MGA: variants seen among roughly 807,000 people sequenced by gnomAD.
The protein encoded by MGA is MAX dimerization protein MGA.
MGA carries 40 observed loss-of-function variants against 261.1 expected under a neutral mutation model. The observed-to-expected ratio is 0.15, with a 90% confidence interval of 0.12 to 0.20. The LOEUF is 0.20. Among genes scored for constraint, MGA ranks in the 10% least tolerant of loss-of-function variants. The pLI, the probability that MGA is intolerant of heterozygous loss-of-function variation, is 1.00. For missense variants in MGA, 3,397 were observed against 3,630.5 expected (o/e 0.94, Z 1.65); for synonymous variants, 1,302 against 1,290.6 (o/e 1.01, Z -0.19).
chr15:41,711,313 A>T lies in MGA; in HGVS notation c.3048A>T (p.Arg1016=). The T allele has an allele frequency of 4.3e-6, 7 of 1,613,042 alleles. No individual in the cohort carries two copies. The highest frequency in any genetic ancestry group is 5.9e-6 in the Non-Finnish European group (7 of 1,179,486). The stretch of plus-strand genomic sequence containing the variant: ...CAAGGACATACATCACAGAAGAGCG[A>T]GCAGATGTATCCTTAACAACTCTAC... The change falls in exon 8 of 24, where the codon CGA becomes CGT. Residue 1016 remains arginine, a synonymous_variant. Transcript: ENST00000219905.
At chr15:41,732,409 A>G (rs1567047160) in intron 11 of MGA, among the ~76,000 whole-genome samples, 1 of 152,096 alleles carries the variant, frequency 6.6e-6, no homozygotes, top group Non-Finnish European at 1.5e-5. Flanking sequence ...CAGCCTCCCA[A>G]AGTGCTGGGA....
rs1191600301 is a variant in MGA, at chr15:41,768,715, G to A, written c.*1435G>A. On this transcript the variant is annotated 3_prime_UTR_variant, in exon 24 of 24. Coordinates refer to ENST00000219905, the MANE Select transcript of MGA (RefSeq NM_001164273.2). The stretch of plus-strand genomic sequence containing the variant: ...TCCAGTGCCTGGGCCGTGCCTAGGT[G>A]ATGCTATTTCTTCTATATCTCCTGT... 6.6e-6 allele frequency: 1 copy of A among 152,592 alleles called. No individual in the cohort carries two copies. The highest frequency in any genetic ancestry group is 2.4e-5 in the African/African-American group (1 of 41,434). 9.5% of individuals were successfully genotyped at this position (152,592 alleles called of 1,614,324 possible).
At position 41,749,829 on chromosome 15, in the gene MGA, T is replaced by G. The variant is rs2062735342; in HGVS notation, c.6222T>G (p.Arg2074=). 1 of 1,613,878 alleles carries G rather than the reference T, an allele frequency of 6.2e-7. No individual in the cohort carries two copies. Among genetic ancestry groups the G allele is most frequent in the African/African-American group, 1.3e-5 (1 of 75,010 alleles). ...ATGAAGAATATGGGGCTAGGAATCG[T>G]AAGAGTTCCAAAGAAAAAGTGGCTG... The change falls in exon 17 of 24, where the codon CGT becomes CGG. Residue 2074 remains arginine, a synonymous_variant. Coordinates refer to ENST00000219905, the MANE Select transcript of MGA (RefSeq NM_001164273.2).
At chr15:41,703,370 C>CCG (rs1555419065) in intron 5 of MGA, among the ~76,000 whole-genome samples, 3 of 129,522 alleles carry the variant, frequency 2.3e-5, no homozygotes, top group Admixed American at 7.6e-5. Context: ...GTGAAGTTAC[C>CCG]CCCCCCCCCA....
chr15:41,735,500 G>C (rs1159344570), intron 12 of MGA, among the ~76,000 whole-genome samples: 1 of 152,208 alleles, frequency 6.6e-6, no homozygotes, highest in Non-Finnish European at 1.5e-5. Flanking sequence ...CACTTTGGGA[G>C]GCCGAGGCGG....
At chr15:41,672,414 C>G (rs1274773642) in intron 2 of MGA, among the ~76,000 whole-genome samples, 4 of 152,204 alleles carry the variant, frequency 2.6e-5, no homozygotes, top group Non-Finnish European at 5.9e-5. Flanking sequence ...CTTGGCCTTT[C>G]ACAGTTCTGG....
intron 12 of MGA, among the ~76,000 whole-genome samples, chr15:41,735,874 T>TA (rs1252906293): frequency 6.6e-6 from 1 of 152,242 alleles, no homozygotes; most frequent in Non-Finnish European, 1.5e-5. Context: ...CAGTGAAGCT[T>TA]AACCTTGGTT....
At chr15:41,741,346 C>CCA (rs2062086091) in intron 14 of MGA, among the ~76,000 whole-genome samples, 2 of 72,330 alleles carry the variant, frequency 2.8e-5, no homozygotes, top group Non-Finnish European at 2.5e-5. Flanking sequence ...ACTCCATCTC[C>CCA]AAAAAAAAAA....
Position 41,710,768 on chromosome 15 carries a change from G to A in MGA, c.2503G>A (p.Gly835Ser), listed in dbSNP as rs775319019. 10 of 1,613,756 alleles carry A rather than the reference G, an allele frequency of 6.2e-6. No individual in the cohort carries two copies. The highest frequency in any genetic ancestry group is 4.0e-5 in the African/African-American group (3 of 74,920). ...GCTAGATGAATACTTGGAAAATGAA[G>A]GCAAGCTGATGGAAACAAGCATGGG... Residue 835 changes from glycine to serine, a missense_variant, in exon 8 of 24, where the codon GGC (glycine) becomes AGC (serine). Physicochemically the swap from Gly to Ser is moderately conservative, Grantham distance 56. Coordinates refer to ENST00000219905, the MANE Select transcript of MGA (RefSeq NM_001164273.2).
At position 41,713,179 on chromosome 15, in the gene MGA, C is replaced by G; in HGVS notation, c.3113C>G (p.Thr1038Arg). 6.2e-7 allele frequency: 1 copy of G among 1,613,434 alleles called. No homozygotes were observed. The highest frequency in any genetic ancestry group is 8.5e-7 in the Non-Finnish European group (1 of 1,179,792). ...TCCCTCAAAACTAAACCTATCCACA[C>G]AATCATAAGGAAACGAGCCCCTCCC... is the stretch of plus-strand genomic sequence containing the variant. The change falls in exon 9 of 24, where the codon ACA becomes AGA. Residue 1038 changes from threonine to arginine, a missense_variant. Transcript: ENST00000219905.
chr15:41,708,320 G>T (rs911894191), intron 7 of MGA, 112 bp downstream of exon 7: 30 of 738,002 alleles, frequency 4.1e-5, no homozygotes, highest in South Asian at 1.7e-4. Context: ...TGGGTTTTTT[G>T]TTGTTGTTGT....
At chr15:41,622,930 A>T (rs1431904189) in intron 1 of MGA, among the ~76,000 whole-genome samples, 1 of 152,252 alleles carries the variant, frequency 6.6e-6, no homozygotes, top group East Asian at 1.9e-4. Flanking sequence ...GTGCGAACAC[A>T]TCTGGAAAAC....
At chr15:41,684,911 AGGG>A (rs1333849057) in intron 2 of MGA, among the ~76,000 whole-genome samples, 2 of 152,198 alleles carry the variant, frequency 1.3e-5, no homozygotes, top group African/African-American at 4.8e-5. Flanking sequence ...AAACAGATAA[AGGG>A]AAACTGGATT....
chr15:41,724,192 A>G (rs1265740870), intron 9 of MGA, among the ~76,000 whole-genome samples: 1 of 152,176 alleles, frequency 6.6e-6, no homozygotes, highest in Non-Finnish European at 1.5e-5. Context: ...CTGAACAAGA[A>G]AGTTTTTATT....
chr15:41,688,152 T>C (rs1044781226), intron 2 of MGA, among the ~76,000 whole-genome samples: 2 of 152,220 alleles, frequency 1.3e-5, no homozygotes, highest in Non-Finnish European at 2.9e-5. Context: ...GTTGGCTCAC[T>C]GCAACATCTG....
intron 7 of MGA, among the ~76,000 whole-genome samples, chr15:41,709,216 G>C (rs564289580): frequency 2.0e-5 from 3 of 151,826 alleles, no homozygotes; most frequent in Non-Finnish European, 2.9e-5. Flanking sequence ...ATGTGGTGGC[G>C]CATTCCTGTA....
At chr15:41,696,039 G>C in intron 2 of MGA, 36 bp from the exon 3 acceptor site, 2 of 1,287,910 alleles carry the variant, frequency 1.6e-6, no homozygotes, top group Non-Finnish European at 2.1e-6. Flanking sequence ...GGATCATTTT[G>C]TACTTTTAAA....
At chr15:41,699,456 C>T (rs2059720975) in intron 5 of MGA, among the ~76,000 whole-genome samples, 1 of 152,028 alleles carries the variant, frequency 6.6e-6, no homozygotes, top group Non-Finnish European at 1.5e-5. Context: ...GTATTCTCCC[C>T]TTCCCGTTTC....
chr15:41,677,477 G>A (rs2058446932), intron 2 of MGA, among the ~76,000 whole-genome samples: 1 of 152,160 alleles, frequency 6.6e-6, no homozygotes, highest in African/African-American at 2.4e-5. Context: ...AAGTAGAATT[G>A]CTGGATCATA....
Sources: allele counts gnomAD v4.1 joint callset (sites outside exome capture counted in the v4.1 genomes callset), GRCh38; gene constraint gnomAD v4.1.1; transcripts MANE v1.5; gene names NCBI Gene and HGNC (gene_info 2026-07-23, HGNC 2026-07-21).